Variants in PCDHGC5 observed in about 807,000 individuals in gnomAD.
PCDHGC5 encodes protocadherin gamma-C5.
A neutral mutation model predicts 59.0 loss-of-function variants in PCDHGC5; 25 were observed. That is an observed-to-expected ratio of 0.42 (90% CI 0.31 to 0.59). The LOEUF is 0.59. Ranked by LOEUF, PCDHGC5 falls within the 20% of genes least tolerant of loss-of-function variation. The pLI, the probability that PCDHGC5 is intolerant of heterozygous loss-of-function variation, is 0.13. For missense variants in PCDHGC5, 1,067 were observed against 1,206.4 expected (o/e 0.88, Z 1.71); for synonymous variants, 434 against 505.5 (o/e 0.86, Z 1.90).
chr5:141,494,845 C>G lies in PCDHGC5; in HGVS notation c.2499C>G (p.Ala833=), dbSNP rs747484430. The part of the protein sequence containing the change: ...PPNTDWRFSQ[A]QRPGTSGSQN... Reference sequence around the variant, plus strand: ...ACACGGACTGGCGTTTCTCTCAGGCCCAGAGACCCGGCACCAGCGGGTAGG... The same window carrying G: ...ACACGGACTGGCGTTTCTCTCAGGCGCAGAGACCCGGCACCAGCGGGTAGG... The change falls in exon 2 of 4, where the codon GCC becomes GCG. Residue 833 remains alanine, a synonymous_variant. Transcript: ENST00000252087. 1.2e-6 allele frequency: 2 copies of G among 1,614,144 alleles called. No individual in the cohort carries two copies. The highest frequency in any genetic ancestry group is 1.7e-6 in the Non-Finnish European group (2 of 1,180,028).
rs143138320 is a variant in PCDHGC5 at position 141,489,458 on chromosome 5, G to C, written c.218G>C (p.Arg73Pro). Reference protein sequence around the residue: ...RLQLGSEENGRYFSLSLMSGA... With the variant: ...RLQLGSEENGPYFSLSLMSGA... The stretch of plus-strand genomic sequence containing the variant: ...CAATTGGGCTCTGAGGAGAATGGGC[G>C]CTATTTTTCCCTGAGCTTGATGAGT... Residue 73 changes from arginine (R) to proline (P), a missense_variant, in exon 1 of 4, where the codon CGC becomes CCC. By Grantham distance (103) the Arg-to-Pro change is moderately radical. Coordinates refer to ENST00000252087, the MANE Select transcript of PCDHGC5 (RefSeq NM_018929.3). The surrounding 1 kb of genome is among the most constrained non-coding windows in gnomAD (Gnocchi z 4.5). 3.7e-6 allele frequency: 6 copies of C among 1,613,924 alleles called. No individual in the cohort carries two copies. The highest frequency in any genetic ancestry group is 5.1e-6 in the Non-Finnish European group (6 of 1,180,000).
chr5:141,510,825 G>C, intron 3 of PCDHGC5, 122 bp from the exon 4 acceptor site: 2 of 1,566,486 alleles, frequency 1.3e-6, no homozygotes, highest in Non-Finnish European at 1.7e-6. Flanking sequence ...TATATTCCCA[G>C]TGCTCAGCGT....
intron 1 of PCDHGC5, among the ~76,000 whole-genome samples, chr5:141,494,070 C>T (rs933213518): frequency 3.9e-5 from 6 of 152,174 alleles, no homozygotes; most frequent in African/African-American, 1.4e-4. Context: ...AGCTGGATCC[C>T]TCCCCGCTGC....
At chr5:141,495,007 G>A in intron 2 of PCDHGC5, 142 bp downstream of exon 2, 4 of 1,522,158 alleles carry the variant, frequency 2.6e-6, no homozygotes, top group Non-Finnish European at 3.5e-6. Context: ...TTGGTGTGCG[G>A]GGGGCTGGCA....
chr5:141,495,300 C>T (rs1249195819), intron 2 of PCDHGC5, among the ~76,000 whole-genome samples: 1 of 152,204 alleles, frequency 6.6e-6, no homozygotes, highest in Non-Finnish European at 1.5e-5. Context: ...AGCGCCTCCT[C>T]CAGAGCCTCC....
Position 141,491,507 on chromosome 5 carries a change from C to G in PCDHGC5, c.2267C>G (p.Thr756Arg), listed in dbSNP as rs755899622. The stretch of plus-strand genomic sequence containing the variant: ...AACCTGCAGGTGAGCTCGGACGGCA[C>G]GCTCAAGTACATGGAGGTGACGCTG... Reference protein sequence around the residue: ...SPNLQVSSDGTLKYMEVTLRP... With the variant: ...SPNLQVSSDGRLKYMEVTLRP... The change falls in exon 1 of 4, where the codon ACG becomes AGG. Residue 756 changes from threonine to arginine, a missense_variant. Coordinates refer to ENST00000252087, the MANE Select transcript of PCDHGC5 (RefSeq NM_018929.3). This position sits in a 1 kb window ranked among gnomAD's most constrained non-coding sequence, Gnocchi z 6.9. 1.5e-5 allele frequency: 24 copies of G among 1,614,038 alleles called. No individual in the cohort carries two copies. The highest frequency in any genetic ancestry group is 2.0e-5 in the Non-Finnish European group (24 of 1,180,016).
intron 3 of PCDHGC5, 146 bp from the exon 4 acceptor site, chr5:141,510,801 A>G: frequency 6.7e-7 from 1 of 1,489,832 alleles, no homozygotes; most frequent in Non-Finnish European, 9.1e-7. Flanking sequence ...AAGAGAGACT[A>G]CCTTGGTGAC....
rs141514361 is a variant in PCDHGC5, at chr5:141,494,629, A to G, written c.2461-178A>G. 4,666 of 858,664 alleles carry G rather than the reference A, an allele frequency of 5.4e-3. 23 individuals are homozygous for G. Among genetic ancestry groups the G allele is most frequent in the Admixed American group, 0.011 (170 of 16,094 alleles). 53.2% of individuals were successfully genotyped at this position (858,664 alleles called of 1,614,324 possible). On this transcript the variant is annotated intron_variant, in intron 1 of 3. Coordinates refer to ENST00000252087, the MANE Select transcript of PCDHGC5 (RefSeq NM_018929.3). ...TATCTCTTGGTTTCTGGTACCTCAGACCTCTGAGACCTGAGGTGTATTTTG... is the reference window on the plus strand; with the variant it reads ...TATCTCTTGGTTTCTGGTACCTCAGGCCTCTGAGACCTGAGGTGTATTTTG...
intron 2 of PCDHGC5, among the ~76,000 whole-genome samples, chr5:141,499,983 C>T (rs765029745): frequency 5.3e-5 from 8 of 151,352 alleles, no homozygotes; most frequent in African/African-American, 9.7e-5. Context: ...CCACCTTGCC[C>T]GGCCAGATGA....
At position 141,489,503 on chromosome 5, in the gene PCDHGC5, A is replaced by T; in HGVS notation, c.263A>T (p.Gln88Leu). 1 of 1,614,092 alleles carries T rather than the reference A, an allele frequency of 6.2e-7. No homozygotes were observed. The part of the protein sequence containing the change: ...SLMSGALAVN[Q>L]KIDRESLCGA... ...ATGAGTGGTGCCCTGGCAGTGAATC[A>T]AAAGATTGACCGAGAAAGCCTATGT... is the stretch of plus-strand genomic sequence containing the variant. Residue 88 changes from glutamine (Q) to leucine (L), a missense_variant, in exon 1 of 4, where the codon CAA becomes CTA. Transcript: ENST00000252087. The surrounding 1 kb of genome is among the most constrained non-coding windows in gnomAD (Gnocchi z 4.5).
chr5:141,511,485 C>T lies in PCDHGC5; in HGVS notation c.*312C>T, dbSNP rs1324849800. 1.8e-5 allele frequency: 8 copies of T among 453,300 alleles called. No individual in the cohort carries two copies. The highest frequency in any genetic ancestry group is 1.2e-4 in the African/African-American group (6 of 50,332). The allele number at this position is 453,300 out of a possible 1,614,324, so 28.1% of individuals were successfully genotyped here. A position where few individuals can be genotyped will look rare whatever the true frequency, so the allele number is the denominator to read the frequency against. On this transcript the variant is annotated 3_prime_UTR_variant, in exon 4 of 4. Coordinates refer to ENST00000252087, the MANE Select transcript of PCDHGC5 (RefSeq NM_018929.3). Reference sequence around the variant, plus strand: ...ACCCCGTTTAGTTACAGCTGAACTCCTCCATCTTCCAAATCAATCAGGCCC... The same window carrying T: ...ACCCCGTTTAGTTACAGCTGAACTCTTCCATCTTCCAAATCAATCAGGCCC...
In PCDHGC5 at chr5:141,491,163, C is replaced by T; in HGVS notation, c.1923C>T (p.Thr641=). The change falls in exon 1 of 4, where the codon ACC becomes ACT. Residue 641 remains threonine, a synonymous_variant. Transcript: ENST00000252087. The surrounding 1 kb of genome is among the most constrained non-coding windows in gnomAD (Gnocchi z 6.9). ...CCTTACTGGAGGATGACTCTGACAC[C>T]CAGCAGGTGGTGGTCCTGGTGAGGG... is the stretch of plus-strand genomic sequence containing the variant. ...ARALLEDDSD[T]QQVVVLVRDN... 1 of 1,614,092 alleles carries T rather than the reference C, an allele frequency of 6.2e-7. No homozygotes were observed. Among genetic ancestry groups the T allele is most frequent in the Non-Finnish European group, 8.5e-7 (1 of 1,179,950 alleles).
intron 2 of PCDHGC5, among the ~76,000 whole-genome samples, chr5:141,503,598 C>CAAAAAAA (rs765754054): frequency 1.5e-5 from 1 of 65,730 alleles, no homozygotes; most frequent in Non-Finnish European, 3.4e-5. Flanking sequence ...GACTCCAGCT[C>CAAAAAAA]AAAAAAAAAA....
intron 2 of PCDHGC5, among the ~76,000 whole-genome samples, chr5:141,497,661 T>A (rs1485909952): frequency 3.3e-5 from 5 of 151,062 alleles, no homozygotes; most frequent in African/African-American, 4.9e-5. Context: ...TGCCTCAGCC[T>A]CCCGAGTAGC....
chr5:141,511,237 T>C lies in PCDHGC5; in HGVS notation c.*64T>C, dbSNP rs886816274. 1.9e-6 allele frequency: 3 copies of C among 1,590,378 alleles called. No homozygotes were observed. The South Asian group carries it at 3.4e-5, about 18-fold the overall frequency. ...CCAACCAGCCCAGCTTCTCCTTACC[T>C]GCACCCAGGCCTCAGAGTTTCAGGG... On this transcript the variant is annotated 3_prime_UTR_variant, in exon 4 of 4. Coordinates refer to ENST00000252087, the MANE Select transcript of PCDHGC5 (RefSeq NM_018929.3).
intron 2 of PCDHGC5, among the ~76,000 whole-genome samples, chr5:141,495,700 T>A (rs2099763052): frequency 6.6e-6 from 1 of 152,228 alleles, no homozygotes; most frequent in Non-Finnish European, 1.5e-5. Flanking sequence ...GCTCAATAAA[T>A]GTGGAGTGAG....
At chr5:141,510,816 A>G (rs1478938067) in intron 3 of PCDHGC5, 131 bp from the exon 4 acceptor site, 2 of 1,547,282 alleles carry the variant, frequency 1.3e-6, no homozygotes, top group Non-Finnish European at 1.8e-6. Context: ...GGTGACCCCT[A>G]TATTCCCAGT....
Position 141,510,990 on chromosome 5 carries a change from C to T in PCDHGC5, c.2652C>T (p.Thr884=). ...GSSTLGGGAG[T]MGLSARYGPQ... ...CCACCCTGGGAGGGGGTGCCGGCAC[C>T]ATGGGATTGAGCGCCCGCTACGGAC... The change falls in exon 4 of 4, where the codon ACC becomes ACT. Residue 884 remains threonine, a synonymous_variant. Transcript: ENST00000252087. The T allele has an allele frequency of 2.5e-6, 4 of 1,614,166 alleles. No homozygotes were observed. Among genetic ancestry groups the T allele is most frequent in the Non-Finnish European group, 3.4e-6 (4 of 1,180,014 alleles).
intron 2 of PCDHGC5, among the ~76,000 whole-genome samples, chr5:141,504,141 T>C (rs1289360763): frequency 6.6e-6 from 1 of 152,192 alleles, no homozygotes; most frequent in East Asian, 1.9e-4. Flanking sequence ...AACACTCCCC[T>C]GCAAATTGAA....
Sources: allele counts gnomAD v4.1 joint callset (sites outside exome capture counted in the v4.1 genomes callset), GRCh38; gene constraint gnomAD v4.1.1; non-coding constraint Gnocchi (gnomAD v3.1); transcripts MANE v1.5; gene names NCBI Gene and HGNC (gene_info 2026-07-23, HGNC 2026-07-21).